CADPS: variants seen among roughly 807,000 people sequenced by gnomAD.
CADPS encodes calcium-dependent secretion activator 1.
In CADPS, 57 loss-of-function variants were observed where a neutral mutation model predicts 167.3. The observed-to-expected ratio is 0.34, with a 90% CI of 0.28 to 0.42. CADPS has a LOEUF of 0.42. Among genes scored for constraint, CADPS ranks in the 20% least tolerant of loss-of-function variants. The pLI, the probability that CADPS is intolerant of heterozygous loss-of-function variation, is 1.00. For missense variants in CADPS, 1,414 were observed against 1,738.1 expected (o/e 0.81, Z 3.32); for synonymous variants, 676 against 635.3 (o/e 1.06, Z -0.96).
chr3:62,655,229 C>G (rs1319289148), intron 4 of CADPS, among the ~76,000 whole-genome samples: 2 of 152,146 alleles, frequency 1.3e-5, no homozygotes, highest in African/African-American at 4.8e-5. Flanking sequence ...GGCTGAGTTT[C>G]TTGAGTGGAG....
chr3:62,491,742 A>G (rs2063775544), intron 20 of CADPS, among the ~76,000 whole-genome samples: 1 of 152,232 alleles, frequency 6.6e-6, no homozygotes, highest in South Asian at 2.1e-4. Context: ...ATGCTACTTT[A>G]AGAAACAACA....
rs2049172485 is a variant in CADPS, at chr3:62,412,558, A to G, written c.3778-9373T>C. On this transcript the variant is annotated intron_variant, in intron 28 of 29. Transcript: ENST00000383710. The surrounding 1 kb of genome is among the most constrained non-coding windows in gnomAD (Gnocchi z 4.1). ...AAGGTCCCAAATATCTTGATTTTTT[A>G]TTAAGATAAGCAGTTATCTATTAAT... Among the ~76,000 whole-genome samples, 1 of 152,202 alleles carries G rather than the reference A, an allele frequency of 6.6e-6. No individual in the cohort carries two copies. The highest frequency in any genetic ancestry group is 2.4e-5 in the African/African-American group (1 of 41,460).
At chr3:62,506,649 T>C (rs1365402189) in intron 17 of CADPS, among the ~76,000 whole-genome samples, 3 of 152,210 alleles carry the variant, frequency 2.0e-5, no homozygotes, top group African/African-American at 7.2e-5. Context: ...TTACCTTCTC[T>C]ACTCCATGTT....
At chr3:62,767,713 TC>T in intron 1 of CADPS, among the ~76,000 whole-genome samples, 1 of 152,266 alleles carries the variant, frequency 6.6e-6, no homozygotes, top group East Asian at 1.9e-4. Flanking sequence ...TAGAAATTTA[TC>T]AGACTCATAT....
Position 62,576,955 on chromosome 3 carries a change from G to A in CADPS, c.1578-6017C>T, listed in dbSNP as rs533842311. Among the ~76,000 whole-genome samples, 4 of 151,912 alleles carry A rather than the reference G, an allele frequency of 2.6e-5. 1 individual carries two copies. The highest frequency in any genetic ancestry group is 7.3e-5 in the African/African-American group (3 of 41,346). On this transcript the variant is annotated intron_variant, in intron 8 of 29. Transcript: ENST00000383710. The stretch of plus-strand genomic sequence containing the variant: ...ATGTATCCTCTCTTATGATATTTTT[G>A]TAAAATTCTTGCTACTGGGTCACTG...
At chr3:62,865,538 C>A (rs2081531853) in intron 1 of CADPS, among the ~76,000 whole-genome samples, 1 of 152,008 alleles carries the variant, frequency 6.6e-6, no homozygotes, top group South Asian at 2.1e-4. Context: ...TATTTCATAT[C>A]TCTCAATTTT....
intron 6 of CADPS, among the ~76,000 whole-genome samples, chr3:62,598,039 A>G (rs890374500): frequency 1.3e-5 from 2 of 152,222 alleles, no homozygotes; most frequent in Non-Finnish European, 2.9e-5. Flanking sequence ...TCAAGGTACT[A>G]AAATATAAAG....
At chr3:62,531,861 T>C (rs2073767669) in intron 13 of CADPS, among the ~76,000 whole-genome samples, 1 of 152,186 alleles carries the variant, frequency 6.6e-6, no homozygotes, top group Non-Finnish European at 1.5e-5. Context: ...CTTAAATTAT[T>C]TGCTGCTTTG....
intron 3 of CADPS, among the ~76,000 whole-genome samples, chr3:62,733,671 T>G (rs1027875448): frequency 6.6e-6 from 1 of 152,150 alleles, no homozygotes; most frequent in African/African-American, 2.4e-5. Flanking sequence ...GGCATACATA[T>G]GAGGCAAAAT....
chr3:62,406,785 C>T (rs1221502056), intron 28 of CADPS, among the ~76,000 whole-genome samples: 2 of 152,184 alleles, frequency 1.3e-5, no homozygotes, highest in African/African-American at 4.8e-5. Context: ...CCATCATAGA[C>T]AACAGGGCCC....
chr3:62,598,757 A>C (rs2059270159), intron 6 of CADPS, among the ~76,000 whole-genome samples: 1 of 152,294 alleles, frequency 6.6e-6, no homozygotes, highest in South Asian at 2.1e-4. Flanking sequence ...TCAAACTCCT[A>C]ATCAGGCCAC....
intron 8 of CADPS, among the ~76,000 whole-genome samples, chr3:62,582,509 C>T (rs575336710): frequency 6.6e-6 from 1 of 152,302 alleles, no homozygotes; most frequent in South Asian, 2.1e-4. Context: ...TCTCATATTT[C>T]TACCCTCCTT....
intron 4 of CADPS, among the ~76,000 whole-genome samples, chr3:62,653,045 T>A (rs138741716): frequency 0.015 from 2,358 of 152,264 alleles, 24 homozygotes; most frequent in South Asian, 0.027. Flanking sequence ...TCTCCCTGCA[T>A]AACTAACAGC....
chr3:62,830,836 T>C (rs2074945320), intron 1 of CADPS, among the ~76,000 whole-genome samples: 1 of 152,192 alleles, frequency 6.6e-6, no homozygotes, highest in Admixed American at 6.5e-5. Flanking sequence ...CTATAGGATA[T>C]TTCTATTATC....
intron 3 of CADPS, among the ~76,000 whole-genome samples, chr3:62,665,521 T>C (rs982708810): frequency 5.3e-5 from 8 of 152,236 alleles, no homozygotes; most frequent in African/African-American, 1.9e-4. Context: ...CTCTGCATTA[T>C]GTTGGCTTCA....
chr3:62,846,907 A>C (rs2077537291), intron 1 of CADPS, among the ~76,000 whole-genome samples: 1 of 152,130 alleles, frequency 6.6e-6, no homozygotes, highest in Admixed American at 6.6e-5. Context: ...ACCTCAAGTG[A>C]TCCACCTGCC....
intron 11 of CADPS, among the ~76,000 whole-genome samples, chr3:62,543,522 C>T (rs2076026910): frequency 6.6e-6 from 1 of 151,988 alleles, no homozygotes; most frequent in Admixed American, 6.6e-5. Flanking sequence ...TTTAAAATGC[C>T]TCATCAGACA....
intron 3 of CADPS, among the ~76,000 whole-genome samples, chr3:62,749,733 G>A (rs1162268188): frequency 6.6e-6 from 1 of 152,194 alleles, no homozygotes; most frequent in Non-Finnish European, 1.5e-5. Context: ...CTGCCAGCAA[G>A]GAAAGAGGAG....
At chr3:62,813,971 C>T (rs180678563) in intron 1 of CADPS, among the ~76,000 whole-genome samples, 13 of 152,210 alleles carry the variant, frequency 8.5e-5, no homozygotes, top group East Asian at 1.9e-4. Context: ...AACTTTTCAA[C>T]GACAGACAGT....
Sources: gnomAD v4.1 joint callset for allele counts (sites outside exome capture counted in the v4.1 genomes callset) on GRCh38, gnomAD v4.1.1 for gene constraint, Gnocchi (gnomAD v3.1) non-coding constraint, MANE v1.5 for transcripts, NCBI Gene and HGNC (gene_info 2026-07-23, HGNC 2026-07-21) for gene names.